The following GLRB variants were observed in gnomAD, a reference collection of about 807,000 sequenced individuals.
The protein encoded by GLRB is glycine receptor subunit beta.
Under a neutral mutation model 54.2 loss-of-function variants are expected in GLRB, and 33 were observed. That is an observed-to-expected ratio of 0.61 (90% confidence interval 0.46 to 0.81). The LOEUF (loss-of-function observed/expected upper bound fraction) is 0.81. Among genes scored for constraint, GLRB ranks in the 40% least tolerant of loss-of-function variants. GLRB has a pLI of 0.00. For synonymous variants in GLRB, 209 were observed against 208.2 expected, an observed-to-expected ratio of 1.00 and a Z score of -0.03; for missense variants, 572 against 584.6, an observed-to-expected ratio of 0.98 and a Z score of 0.22.
chr4:157,107,667 C>T (rs893072954), intron 2 of GLRB, among the ~76,000 whole-genome samples: 4 of 152,028 alleles, frequency 2.6e-5, no homozygotes, highest in Admixed American at 2.6e-4. Flanking sequence ...GGAAAGAAGC[C>T]ATTTGCATAA....
chr4:157,085,426 T>C (rs1002967703), intron 2 of GLRB, among the ~76,000 whole-genome samples: 2 of 152,124 alleles, frequency 1.3e-5, no homozygotes, highest in African/African-American at 2.4e-5. Context: ...TTAACGTATG[T>C]GTTACTATAT....
chr4:157,139,060 A>G, intron 7 of GLRB, 111 bp downstream of exon 7: 2 of 640,512 alleles, frequency 3.1e-6, no homozygotes, highest in Non-Finnish European at 5.7e-6. Context: ...AAATTAAATT[A>G]GCAAATAGTT....
At chr4:157,125,752 T>C (rs1312967066) in intron 4 of GLRB, among the ~76,000 whole-genome samples, 1 of 151,570 alleles carries the variant, frequency 6.6e-6, no homozygotes, top group Non-Finnish European at 1.5e-5. Flanking sequence ...TGGCCGACAC[T>C]GTGAACCCCG....
intron 9 of GLRB, among the ~76,000 whole-genome samples, chr4:157,166,784 A>G (rs536286813): frequency 2.0e-5 from 3 of 152,184 alleles, no homozygotes; most frequent in East Asian, 3.9e-4. Context: ...CACTGAAAAA[A>G]TTATTCTCTT....
chr4:157,109,531 G>A (rs1735341416), intron 2 of GLRB, among the ~76,000 whole-genome samples: 1 of 151,940 alleles, frequency 6.6e-6, no homozygotes, highest in Admixed American at 6.6e-5. Flanking sequence ...ATGCCAACCA[G>A]TCAGTTCTCT....
chr4:157,098,586 G>GA (rs1734899236), intron 2 of GLRB, among the ~76,000 whole-genome samples: 1 of 151,886 alleles, frequency 6.6e-6, no homozygotes, highest in African/African-American at 2.4e-5. Flanking sequence ...GATAATCCTA[G>GA]AAAATCACTT....
intron 4 of GLRB, among the ~76,000 whole-genome samples, chr4:157,135,644 C>G (rs891348794): frequency 3.3e-5 from 5 of 152,028 alleles, no homozygotes; most frequent in South Asian, 2.1e-4. Context: ...CAATTAAACC[C>G]CTTTCCTTTA....
intron 2 of GLRB, among the ~76,000 whole-genome samples, chr4:157,100,638 A>G (rs1734984688): frequency 6.6e-6 from 1 of 152,150 alleles, no homozygotes; most frequent in South Asian, 2.1e-4. Flanking sequence ...GCTTTCACTG[A>G]CATAGTATGG....
intron 7 of GLRB, among the ~76,000 whole-genome samples, chr4:157,140,550 T>G (rs1378519309): frequency 6.6e-6 from 1 of 151,940 alleles, no homozygotes; most frequent in African/African-American, 2.4e-5. Context: ...GCATTGTTTT[T>G]AGTTCTTTGC....
chr4:157,091,769 C>A (rs1481565212), intron 2 of GLRB, among the ~76,000 whole-genome samples: 1 of 152,166 alleles, frequency 6.6e-6, no homozygotes, highest in African/African-American at 2.4e-5. Flanking sequence ...AGTATCTTCT[C>A]CTGCCATGCT....
intron 6 of GLRB, 71 bp from the exon 7 acceptor site, chr4:157,138,738 G>T: frequency 1.2e-6 from 1 of 804,558 alleles, no homozygotes; most frequent in South Asian, 1.6e-5. Context: ...TTTAAGATTT[G>T]AATTATGAAA....
Position 157,136,685 on chromosome 4 carries a change from C to T in GLRB, c.514C>T (p.Leu172Phe). The change falls in exon 5 of 10, where the codon CTT becomes TTT. Residue 172 changes from leucine (L) to phenylalanine (F), a missense_variant. Coordinates refer to ENST00000264428, the MANE Select transcript of GLRB (RefSeq NM_000824.5). ...CTTTATTTTTCGTGATGGAGATGTC[C>T]TTGTCAGCATGAGGTACTCTTTTAT... ...LLFIFRDGDV[L>F]VSMRLSITLS... The T allele has an allele frequency of 6.3e-7, 1 of 1,599,348 alleles. No individual in the cohort carries two copies. The highest frequency in any genetic ancestry group is 8.6e-7 in the Non-Finnish European group (1 of 1,166,614).
intron 2 of GLRB, among the ~76,000 whole-genome samples, chr4:157,088,888 G>T (rs1322529100): frequency 6.6e-6 from 1 of 151,908 alleles, no homozygotes; most frequent in African/African-American, 2.4e-5. Context: ...TATTAACTGT[G>T]GTTTTCCCCT....
chr4:157,168,961 G>T (rs897490262), intron 9 of GLRB, among the ~76,000 whole-genome samples: 21 of 151,822 alleles, frequency 1.4e-4, no homozygotes, highest in African/African-American at 5.1e-4. Flanking sequence ...ATCCACCTTT[G>T]AACACTGCTA....
chr4:157,103,939 TTGTG>T (rs34144061), intron 2 of GLRB, among the ~76,000 whole-genome samples: 21 of 148,624 alleles, frequency 1.4e-4, no homozygotes, highest in Middle Eastern at 3.5e-3. Flanking sequence ...GTGTGTGTGT[TTGTG>T]TGTGTGTGTG....
chr4:157,133,429 C>G (rs1325228785), intron 4 of GLRB, among the ~76,000 whole-genome samples: 3 of 151,886 alleles, frequency 2.0e-5, no homozygotes, highest in Non-Finnish European at 2.9e-5. Flanking sequence ...CATTAGTTAG[C>G]TTAAACTGAT....
At chr4:157,111,160 T>C (rs560466025) in intron 2 of GLRB, among the ~76,000 whole-genome samples, 28 of 151,968 alleles carry the variant, frequency 1.8e-4, no homozygotes, top group Non-Finnish European at 3.4e-4. Context: ...GCCAGTCCCT[T>C]GAGTAGCACC....
Position 157,171,133 on chromosome 4 carries a change from A to G in GLRB, c.*405A>G, listed in dbSNP as rs937989148. On this transcript the variant is annotated 3_prime_UTR_variant, in exon 10 of 10. Coordinates refer to ENST00000264428, the MANE Select transcript of GLRB (RefSeq NM_000824.5). ...TTCCTTCCTTGTAACTTTCAAAGAA[A>G]GCCATCTTATTCTTGTAAAATTTTA... 6.5e-6 allele frequency: 1 copy of G among 154,372 alleles called. No homozygotes were observed. The highest frequency in any genetic ancestry group is 1.4e-5 in the Non-Finnish European group (1 of 69,248). 9.6% of individuals were successfully genotyped at this position (154,372 alleles called of 1,614,324 possible). A position where few individuals can be genotyped will look rare whatever the true frequency, so the allele number is the denominator to read the frequency against.
At chr4:157,129,260 G>A (rs1736126662) in intron 4 of GLRB, among the ~76,000 whole-genome samples, 1 of 151,608 alleles carries the variant, frequency 6.6e-6, no homozygotes, top group African/African-American at 2.4e-5. Flanking sequence ...TCATAAAAGA[G>A]GTCTGTTTCT....
Sources: allele counts gnomAD v4.1 joint callset (sites outside exome capture counted in the v4.1 genomes callset), GRCh38; gene constraint gnomAD v4.1.1; transcripts MANE v1.5; gene names NCBI Gene and HGNC (gene_info 2026-07-23, HGNC 2026-07-21).